Variants in TACC1 observed in about 807,000 individuals in gnomAD.
The protein encoded by TACC1 is transforming acidic coiled-coil-containing protein 1.
A neutral mutation model predicts 84.4 loss-of-function variants in TACC1; 48 were observed. That is an observed-to-expected ratio of 0.57 (90% confidence interval 0.45 to 0.72). The LOEUF is 0.72. Ranked by LOEUF, TACC1 falls within the 30% of genes least tolerant of loss-of-function variation. The pLI, the probability that TACC1 is intolerant of heterozygous loss-of-function variation, is 0.00. For synonymous variants in TACC1, 372 were observed against 376.3 expected, an observed-to-expected ratio of 0.99 and a Z score of 0.13; for missense variants, 920 against 973.0, an observed-to-expected ratio of 0.95 and a Z score of 0.72.
In TACC1 at chr8:38,811,971, G is replaced by T. The variant is rs549047354; in HGVS notation, c.278-7551G>T. On this transcript the variant is annotated intron_variant, in intron 2 of 12. Transcript: ENST00000317827. ...TACCCTGGGGAAAGAATGCATTCCT[G>T]GGGGGAGGTCTATAAATGGCCGCTC... Among the ~76,000 whole-genome samples the T allele has an allele frequency of 7.9e-5, 12 of 152,164 alleles. No homozygotes were observed. The East Asian group carries it at 1.4e-3, about 17-fold the overall frequency.
chr8:38,787,551 C>A lies in TACC1; in HGVS notation c.-32C>A. 1.3e-6 allele frequency: 2 copies of A among 1,525,464 alleles called. No individual in the cohort carries two copies. The highest frequency in any genetic ancestry group is 1.2e-5 in the South Asian group (1 of 82,468). 94.5% of individuals were successfully genotyped at this position (1,525,464 alleles called of 1,614,324 possible). ...AGGCTCTCCCCACCCATTCCCCTGCCCCTAGGAGCTGGAGCCGGAGGAGCC... is the reference window on the plus strand; with the variant it reads ...AGGCTCTCCCCACCCATTCCCCTGCACCTAGGAGCTGGAGCCGGAGGAGCC... On this transcript the variant is annotated 5_prime_UTR_variant, in exon 1 of 13. Coordinates refer to ENST00000317827, the MANE Select transcript of TACC1 (RefSeq NM_006283.3).
At chr8:38,735,867 A>C (rs551740383) in intron 1 of TACC1, among the ~76,000 whole-genome samples, 1 of 152,334 alleles carries the variant, frequency 6.6e-6, no homozygotes, top group Admixed American at 6.5e-5. Context: ...GGAAAGGAAG[A>C]TGTCCCTGAA....
At chr8:38,768,660 A>AGTGTGTGT (rs80115733) in intron 3 of TACC1, among the ~76,000 whole-genome samples, 7 of 150,420 alleles carry the variant, frequency 4.7e-5, no homozygotes, top group Admixed American at 1.3e-4. Flanking sequence ...GTGCTTGAGG[A>AGTGTGTGT]GTGTGTGTGT....
chr8:38,789,303 C>G (rs1441487742), intron 2 of TACC1, among the ~76,000 whole-genome samples: 1 of 152,176 alleles, frequency 6.6e-6, no homozygotes, highest in Non-Finnish European at 1.5e-5. Flanking sequence ...TTAGGAAAAC[C>G]TGGCACATGG....
In TACC1 at chr8:38,813,141, G is replaced by A. The variant is rs138733483; in HGVS notation, c.278-6381G>A. Among the ~76,000 whole-genome samples the A allele has an allele frequency of 4.3e-3, 648 of 152,106 alleles. 7 individuals are homozygous for A. The highest frequency in any genetic ancestry group is 0.015 in the African/African-American group (606 of 41,496). On this transcript the variant is annotated intron_variant, in intron 2 of 12. Coordinates refer to ENST00000317827, the MANE Select transcript of TACC1 (RefSeq NM_006283.3). ...CTCTATCATGTTTCTTAGTTTTCTA[G>A]ACTAAATATCTTAGACTAATTGTTT...
Position 38,732,180 on chromosome 8 carries a change from GGAAGAGGGAAA to G in TACC1, c.-675+3511_-675+3521del, listed in dbSNP as rs1441059829. Among the ~76,000 whole-genome samples the G allele has an allele frequency of 1.1e-3, 117 of 104,848 alleles. 2 individuals carry two copies. The South Asian group carries it at 0.033, about 30-fold the overall frequency. The allele number at this position is 104,848 out of a possible 152,430, so 68.8% of individuals were successfully genotyped here. ...AGAAAGGAAGGAAGGAAGGAAGGAA[GGAAGAGGGAAA>G]GGAAAGGAAAGGAAAGGAAAAGAAA... On this transcript the variant is annotated intron_variant, in intron 1 of 14. Transcript: ENST00000518415.
At chr8:38,788,852 T>C (rs1344013680) in intron 2 of TACC1, 33 bp downstream of exon 2, 1 of 1,533,612 alleles carries the variant, frequency 6.5e-7, no homozygotes. Flanking sequence ...CCTGCCTGTT[T>C]TGTTTCAAAA....
chr8:38,776,280 A>G (rs1814772193), intron 3 of TACC1, among the ~76,000 whole-genome samples: 1 of 152,250 alleles, frequency 6.6e-6, no homozygotes, highest in Non-Finnish European at 1.5e-5. Context: ...AGTCAGTATC[A>G]CAGCTCAAGT....
chr8:38,764,057 A>C (rs1194837125), intron 3 of TACC1, among the ~76,000 whole-genome samples: 1 of 152,100 alleles, frequency 6.6e-6, no homozygotes, highest in Non-Finnish European at 1.5e-5. Context: ...CCAACACTTC[A>C]TGACAGTGAC....
chr8:38,846,203 G>C (rs1187840421), intron 11 of TACC1: 1 of 140,818 alleles, frequency 7.1e-6, no homozygotes, highest in Non-Finnish European at 1.5e-5. Flanking sequence ...AGAATGGCGT[G>C]AACCCGGGAG....
chr8:38,843,518 T>C (rs1831649153), intron 11 of TACC1, 123 bp downstream of exon 11: 2 of 599,764 alleles, frequency 3.3e-6, no homozygotes, highest in African/African-American at 3.8e-5. Flanking sequence ...ATTTCACTTT[T>C]TAAACCCTTT....
chr8:38,757,497 G>T, intron 3 of TACC1: 5 of 1,085,778 alleles, frequency 4.6e-6, no homozygotes, highest in African/African-American at 1.7e-5. Context: ...TCCCAGAAAG[G>T]CTGGGAAGGT....
At chr8:38,792,138 A>G (rs2152015838) in intron 2 of TACC1, among the ~76,000 whole-genome samples, 1 of 152,372 alleles carries the variant, frequency 6.6e-6, no homozygotes, top group Non-Finnish European at 1.5e-5. Flanking sequence ...TGGTAGCTGT[A>G]AAGCTTGGGC....
intron 10 of TACC1, 140 bp downstream of exon 10, chr8:38,842,587 A>G (rs1328209025): frequency 3.1e-6 from 3 of 967,148 alleles, no homozygotes; most frequent in East Asian, 2.6e-5. Context: ...TGTATCCTCT[A>G]TTCCAGTGAA....
intron 2 of TACC1, among the ~76,000 whole-genome samples, chr8:38,810,493 T>C (rs1371446067): frequency 1.3e-5 from 2 of 152,072 alleles, no homozygotes; most frequent in African/African-American, 2.4e-5. Context: ...TGTCTCAGTT[T>C]CTCAGGAGGG....
At position 38,792,762 on chromosome 8, in the gene TACC1, G is replaced by A. The variant is rs141345575; in HGVS notation, c.277+3943G>A. On this transcript the variant is annotated intron_variant, in intron 2 of 12. Transcript: ENST00000317827. ...TTACAGGCGTGAGCCACCACGCCTGGCCAGTTTTTTTATTTTTTGTAGAGA... is the reference window on the plus strand; with the variant it reads ...TTACAGGCGTGAGCCACCACGCCTGACCAGTTTTTTTATTTTTTGTAGAGA... 7.9e-3 allele frequency among the ~76,000 whole-genome samples: 1,207 copies of A among 152,256 alleles called. 14 individuals are homozygous for A. The highest frequency in any genetic ancestry group is 0.027 in the African/African-American group (1,137 of 41,546).
At chr8:38,811,685 G>A (rs1341666820) in intron 2 of TACC1, among the ~76,000 whole-genome samples, 1 of 152,190 alleles carries the variant, frequency 6.6e-6, no homozygotes, top group Non-Finnish European at 1.5e-5. Context: ...AGCTGAGGAT[G>A]TATATCACGT....
chr8:38,744,837 A>G (rs963026038), intron 2 of TACC1: 3 of 152,148 alleles, frequency 2.0e-5, no homozygotes, highest in Non-Finnish European at 2.9e-5. Flanking sequence ...AGAATAATAT[A>G]TGGGCTTCTG....
At chr8:38,835,123 G>A (rs976595916) in intron 6 of TACC1, among the ~76,000 whole-genome samples, 2 of 151,858 alleles carry the variant, frequency 1.3e-5, no homozygotes, top group South Asian at 2.1e-4. Context: ...GCGTGGTGGC[G>A]GGCACCTGTA....
Sources: allele counts gnomAD v4.1 joint callset (sites outside exome capture counted in the v4.1 genomes callset), GRCh38; gene constraint gnomAD v4.1.1; transcripts MANE v1.5; gene names NCBI Gene and HGNC (gene_info 2026-07-23, HGNC 2026-07-21).